STK3: variants seen among roughly 807,000 people sequenced by gnomAD.
STK3 encodes the protein serine/threonine kinase 3, also known as serine/threonine-protein kinase 3.
STK3 carries 41 observed loss-of-function variants against 58.0 expected under a neutral mutation model. The ratio of observed to expected loss-of-function variants is 0.71; its 90% confidence interval spans 0.55 to 0.92. The LOEUF (loss-of-function observed/expected upper bound fraction) is 0.92. Ranked by LOEUF, STK3 falls within the 40% of genes least tolerant of loss-of-function variation. The pLI is 0.00. For synonymous variants in STK3, 170 were observed against 191.0 expected, an observed-to-expected ratio of 0.89 and a Z score of 0.91; for missense variants, 479 against 602.7, an observed-to-expected ratio of 0.79 and a Z score of 2.15.
intron 6 of STK3, among the ~76,000 whole-genome samples, chr8:98,639,753 G>A (rs570949782): frequency 2.0e-5 from 3 of 152,166 alleles, no homozygotes; most frequent in South Asian, 2.1e-4. Flanking sequence ...CCATGTTAAC[G>A]TGAAGGTGTG....
downstream of STK3, among the ~76,000 whole-genome samples, chr8:98,371,201 G>T (rs953804134): frequency 2.0e-5 from 3 of 152,176 alleles, no homozygotes; most frequent in Non-Finnish European, 4.4e-5. Context: ...TGTGTAGTAG[G>T]TGCTCAATAA....
At chr8:98,612,765 C>T (rs977082128) in intron 6 of STK3, among the ~76,000 whole-genome samples, 4 of 152,168 alleles carry the variant, frequency 2.6e-5, no homozygotes, top group African/African-American at 9.7e-5. Context: ...TGTAGTCCCA[C>T]TCTAACCATG....
intron 10 of STK3, among the ~76,000 whole-genome samples, chr8:98,492,110 A>G (rs1192700580): frequency 6.6e-6 from 1 of 152,242 alleles, no homozygotes; most frequent in Non-Finnish European, 1.5e-5. Context: ...GTTTGTTATT[A>G]TTAAATTTTC....
chr8:98,763,413 C>CT (rs1587548919), intron 3 of STK3, among the ~76,000 whole-genome samples: 1 of 152,064 alleles, frequency 6.6e-6, no homozygotes, highest in Non-Finnish European at 1.5e-5. Flanking sequence ...ACCTCTGGTC[C>CT]TTTTATAGAG....
intron 2 of STK3, among the ~76,000 whole-genome samples, chr8:98,376,412 A>C (rs1817675154): frequency 6.6e-6 from 1 of 152,186 alleles, no homozygotes; most frequent in Non-Finnish European, 1.5e-5. Flanking sequence ...TCAGAGCACA[A>C]GTTTTCAATT....
At chr8:98,929,345 A>G (rs1839925914) in intron 1 of STK3, among the ~76,000 whole-genome samples, 1 of 152,034 alleles carries the variant, frequency 6.6e-6, no homozygotes, top group Non-Finnish European at 1.5e-5. Context: ...CTGATGAGTA[A>G]CAGTGTTGTG....
intron 10 of STK3, among the ~76,000 whole-genome samples, chr8:98,490,286 G>A (rs974815286): frequency 6.6e-6 from 1 of 152,166 alleles, no homozygotes; most frequent in Non-Finnish European, 1.5e-5. Flanking sequence ...ATAAGTGTTA[G>A]TTGATTATCT....
At chr8:98,581,022 C>T (rs1180939006) in intron 7 of STK3, among the ~76,000 whole-genome samples, 1 of 152,158 alleles carries the variant, frequency 6.6e-6, no homozygotes, top group African/African-American at 2.4e-5. Flanking sequence ...ATTAACATAT[C>T]TGTGGTAGAG....
chr8:98,416,364 G>GTTTTTTT (rs57447680), intron 3 of STK3, among the ~76,000 whole-genome samples: 3 of 79,532 alleles, frequency 3.8e-5, no homozygotes, highest in Non-Finnish European at 4.7e-5. Flanking sequence ...GTTTGAAACT[G>GTTTTTTT]TTTTTTTTTT....
chr8:98,776,508 A>G (rs1238420031), intron 1 of STK3, among the ~76,000 whole-genome samples: 1 of 152,242 alleles, frequency 6.6e-6, no homozygotes, highest in East Asian at 1.9e-4. Context: ...TCCTCAGATC[A>G]ATAAAGAATA....
chr8:98,554,318 T>G (rs534119921), intron 8 of STK3, among the ~76,000 whole-genome samples: 1 of 152,296 alleles, frequency 6.6e-6, no homozygotes, highest in East Asian at 1.9e-4. Flanking sequence ...CCCAAAACAC[T>G]AACTCTATTT....
In STK3 at chr8:98,718,688, A is replaced by G. The variant is rs551057606; in HGVS notation, c.352-11377T>C. On this transcript the variant is annotated intron_variant, in intron 4 of 10. Coordinates refer to ENST00000419617, the MANE Select transcript of STK3 (RefSeq NM_006281.4). ...TACTGATTACCCACTAAATATTTACATATTATGTTATGATATTAATATATT... is the reference window on the plus strand; with the variant it reads ...TACTGATTACCCACTAAATATTTACGTATTATGTTATGATATTAATATATT... 3.9e-5 allele frequency among the ~76,000 whole-genome samples: 6 copies of G among 152,258 alleles called. No individual in the cohort carries two copies. The East Asian group carries it at 9.6e-4, about 24-fold the overall frequency.
intron 1 of STK3, among the ~76,000 whole-genome samples, chr8:98,804,581 T>C (rs1181010987): frequency 6.6e-6 from 1 of 152,230 alleles, no homozygotes; most frequent in Non-Finnish European, 1.5e-5. Context: ...AGATATCCTT[T>C]TGGAAGTCTT....
chr8:98,919,479 G>T (rs1281594038), intron 1 of STK3, among the ~76,000 whole-genome samples: 1 of 152,080 alleles, frequency 6.6e-6, no homozygotes, highest in Admixed American at 6.6e-5. Context: ...CAGAACAATG[G>T]TTGCCTAGGG....
intron 4 of STK3, among the ~76,000 whole-genome samples, chr8:98,730,715 C>CAAAAAAAAAAA (rs36085293): frequency 1.5e-5 from 1 of 66,382 alleles, no homozygotes; most frequent in African/African-American, 6.0e-5. Context: ...GACTCCGTCT[C>CAAAAAAAAAAA]AAAAAAAAAA....
At chr8:98,822,302 T>C (rs989809460) in intron 1 of STK3, among the ~76,000 whole-genome samples, 5 of 152,182 alleles carry the variant, frequency 3.3e-5, no homozygotes, top group African/African-American at 1.2e-4. Context: ...CTTTTTGTTT[T>C]GTTTTTATTT....
chr8:98,560,293 TTGTC>T (rs1811909208), intron 8 of STK3, among the ~76,000 whole-genome samples: 2 of 152,262 alleles, frequency 1.3e-5, no homozygotes, highest in South Asian at 4.1e-4. Flanking sequence ...GATGACATCA[TTGTC>T]TGTGTAGAAA....
intron 1 of STK3, among the ~76,000 whole-genome samples, chr8:98,795,095 AAAAAAAAAATAT>A (rs1164847972): frequency 2.4e-4 from 16 of 65,886 alleles, no homozygotes; most frequent in Admixed American, 6.0e-4. Context: ...AAAAAAAAAA[AAAAAAAAAATAT>A]ATATATATAT....
Position 98,904,792 on chromosome 8 carries a change from C to T in STK3, c.-78-20958G>A, listed in dbSNP as rs941168161. The T allele has an allele frequency of 3.7e-5, 25 of 667,248 alleles. No individual in the cohort carries two copies. In the African/African-American group the frequency reaches 3.8e-4, roughly 10 times the overall value. 41.3% of individuals were successfully genotyped at this position (667,248 alleles called of 1,614,324 possible). On this transcript the variant is annotated intron_variant, in intron 1 of 1. Transcript: ENST00000519420. ...CAATAGGAGGAAGTGGTGGCCGGAG[C>T]GGCAGCCATAGTAGCTGAAGTGGCA...
Sources: gnomAD v4.1 joint callset for allele counts (sites outside exome capture counted in the v4.1 genomes callset) on GRCh38, gnomAD v4.1.1 for gene constraint, MANE v1.5 for transcripts, NCBI Gene and HGNC (gene_info 2026-07-23, HGNC 2026-07-21) for gene names.